Variants in QPCT observed in about 807,000 individuals in gnomAD.
The protein encoded by QPCT is EC.
QPCT carries 44 observed loss-of-function variants against 43.4 expected under a neutral mutation model. That is an observed-to-expected ratio of 1.01 (90% CI 0.80 to 1.30). The LOEUF is 1.30. Among genes scored for constraint, QPCT ranks in the 50% most tolerant of loss-of-function variants. QPCT has a pLI of 0.00. For missense variants in QPCT, 526 were observed against 436.5 expected (o/e 1.21, Z -1.83); for synonymous variants, 168 against 168.4 (o/e 1.00, Z 0.02).
chr2:37,364,294 AC>A (rs1672911885), intron 3 of QPCT, among the ~76,000 whole-genome samples: 1 of 152,206 alleles, frequency 6.6e-6, no homozygotes, highest in Non-Finnish European at 1.5e-5. Flanking sequence ...AGTTCAGCTC[AC>A]TGGGGGTCCC....
intron 3 of QPCT, among the ~76,000 whole-genome samples, chr2:37,363,609 C>A (rs1029282985): frequency 1.4e-5 from 2 of 142,440 alleles, no homozygotes; most frequent in Non-Finnish European, 3.0e-5. Flanking sequence ...CCAGCCTGGG[C>A]AACAGAGTGA....
At chr2:37,368,733 C>A (rs918128950) in intron 4 of QPCT, 23 of 470,368 alleles carry the variant, frequency 4.9e-5, no homozygotes, top group Non-Finnish European at 1.0e-4. Flanking sequence ...GAGGAGACGC[C>A]TGGTTGATCA....
intron 2 of QPCT, among the ~76,000 whole-genome samples, chr2:37,353,172 A>G (rs1050985873): frequency 6.6e-6 from 1 of 152,230 alleles, no homozygotes; most frequent in African/African-American, 2.4e-5. Flanking sequence ...ACAACATTAC[A>G]CAGTCCTTCA....
chr2:37,367,292 G>T lies in QPCT; in HGVS notation c.607G>T (p.Ala203Ser), dbSNP rs1295458724. The part of the protein sequence containing the change: ...LQLIFFDGEE[A>S]FLHWSPQDSL... The stretch of plus-strand genomic sequence containing the variant: ...GCTGATCTTCTTTGATGGTGAAGAG[G>T]CTTTTCTTCACTGGTCTCCTCAAGA... The change falls in exon 4 of 7, where the codon GCT becomes TCT. Residue 203 changes from alanine (A) to serine (S), a missense_variant. Coordinates refer to ENST00000338415, the MANE Select transcript of QPCT (RefSeq NM_012413.4). 1 of 1,613,886 alleles carries T rather than the reference G, an allele frequency of 6.2e-7. No homozygotes were observed.
In QPCT at chr2:37,372,816, C is replaced by A; in HGVS notation, c.1075C>A (p.Leu359Ile). The A allele has an allele frequency of 1.2e-6, 2 of 1,608,880 alleles. No homozygotes were observed. Among genetic ancestry groups the A allele is most frequent in the Non-Finnish European group, 1.7e-6 (2 of 1,177,092 alleles). The change falls in exon 7 of 7, where the codon CTT (leucine) becomes ATT (isoleucine). Residue 359 changes from leucine (L) to isoleucine (I), a missense_variant. Coordinates refer to ENST00000338415, the MANE Select transcript of QPCT (RefSeq NM_012413.4). ...KILQVFVLEY[L>I]HL ...CCTACAAGTCTTTGTGTTGGAATAT[C>A]TTCATTTGTAATACTCTGATTTAGT...
intron 2 of QPCT, 147 bp from the exon 3 acceptor site, chr2:37,359,433 T>G (rs1672818385): frequency 1.4e-6 from 1 of 737,134 alleles, no homozygotes; most frequent in Non-Finnish European, 2.2e-6. Context: ...ACAAAGCAAT[T>G]ATTAATTGCA....
chr2:37,363,659 TAAAAA>T (rs58100358), intron 3 of QPCT, among the ~76,000 whole-genome samples: 1,851 of 79,458 alleles, frequency 0.023, 15 homozygotes, highest in Middle Eastern at 0.056. Flanking sequence ...TTTTAAAATG[TAAAAA>T]AAAAAAAAAA....
Position 37,367,413 on chromosome 2 carries a change from G to T in QPCT, c.723+5G>T. The T allele has an allele frequency of 6.2e-7, 1 of 1,612,564 alleles. No individual in the cohort carries two copies. Among genetic ancestry groups the T allele is most frequent in the South Asian group, 1.1e-5 (1 of 90,852 alleles). On this transcript the variant is annotated splice_donor_5th_base_variant and intron_variant, in intron 4 of 6. Transcript: ENST00000338415. ...ACCAGCCAACTGCATGGCATGGTTA[G>T]TCTGGGCAATTTCCCTAGCACTGTA... is the stretch of plus-strand genomic sequence containing the variant.
intron 4 of QPCT, among the ~76,000 whole-genome samples, chr2:37,369,002 A>G (rs1673019708): frequency 1.3e-5 from 2 of 152,156 alleles, no homozygotes; most frequent in African/African-American, 2.4e-5. Context: ...TATTTATCTA[A>G]TATGTGTTAG....
chr2:37,356,313 C>T (rs976047209), intron 2 of QPCT, among the ~76,000 whole-genome samples: 1 of 151,526 alleles, frequency 6.6e-6, no homozygotes, highest in South Asian at 2.1e-4. Context: ...CTGCTTTATC[C>T]CTATCTCCAT....
Position 37,369,727 on chromosome 2 carries a change from A to G in QPCT, c.766A>G (p.Thr256Ala), listed in dbSNP as rs1372119925. The part of the protein sequence containing the change: ...LLDLIGAPNP[T>A]FPNFFPNSAR... ...GGATTTGATTGGAGCTCCAAACCCA[A>G]CGTTTCCCAATTTTTTTCCAAACTC... Residue 256 changes from threonine to alanine, a missense_variant, in exon 5 of 7, where the codon ACG (threonine) becomes GCG (alanine). Coordinates refer to ENST00000338415, the MANE Select transcript of QPCT (RefSeq NM_012413.4). The G allele has an allele frequency of 3.1e-6, 5 of 1,609,708 alleles. No individual in the cohort carries two copies. The highest frequency in any genetic ancestry group is 3.3e-5 in the Admixed American group (2 of 60,014).
At chr2:37,347,170 T>TATATAACATATATATATAAC (rs1553384231) in intron 1 of QPCT, among the ~76,000 whole-genome samples, 11 of 52,846 alleles carry the variant, frequency 2.1e-4, no homozygotes, top group South Asian at 1.8e-3. Flanking sequence ...ATATAACATA[T>TATATAACATATATATATAAC]ATATATATAA....
chr2:37,348,723 T>TTGC (rs2124931124), intron 1 of QPCT, among the ~76,000 whole-genome samples: 1 of 152,348 alleles, frequency 6.6e-6, no homozygotes, highest in East Asian at 1.9e-4. Context: ...TGAAAGATTC[T>TTGC]TGCACTCAGA....
rs772993313 is a variant in QPCT, at chr2:37,344,775, T to C, written c.44T>C (p.Leu15Pro). 5.0e-6 allele frequency: 8 copies of C among 1,607,690 alleles called. No individual in the cohort carries two copies. The highest frequency in any genetic ancestry group is 2.7e-5 in the African/African-American group (2 of 74,562). ...CGGCGCGTCGTGGGCACCCTCCACC[T>C]GCTGCTGCTGGTGGCCGCCCTGCCC... is the stretch of plus-strand genomic sequence containing the variant. ...RHRRVVGTLH[L>P]LLLVAALPWA... Residue 15 changes from leucine (L) to proline (P), a missense_variant, in exon 1 of 7, where the codon CTG (leucine) becomes CCG (proline). Physicochemically the swap from Leu to Pro is moderately conservative, Grantham distance 98 (BLOSUM62 -3). Transcript: ENST00000338415.
chr2:37,357,707 T>C (rs904335010), intron 2 of QPCT, among the ~76,000 whole-genome samples: 3 of 152,336 alleles, frequency 2.0e-5, no homozygotes, highest in Non-Finnish European at 4.4e-5. Flanking sequence ...ATTTGTTTAG[T>C]TGGCTTTTGC....
Position 37,359,796 on chromosome 2 carries a change from G to T in QPCT, c.484G>T (p.Val162Leu). ...GTTTGTAGGAGCCACTGATTCAGCC[G>T]TGCCATGTGCAATGATGTTGGAACT... ...RVFVGATDSA[V>L]PCAMMLELAR... Residue 162 changes from valine to leucine, a missense_variant, in exon 3 of 7, where the codon GTG becomes TTG. Val to Leu is a conservative substitution (Grantham distance 32). Transcript: ENST00000338415. 6.2e-7 allele frequency: 1 copy of T among 1,614,164 alleles called. No individual in the cohort carries two copies. The highest frequency in any genetic ancestry group is 8.5e-7 in the Non-Finnish European group (1 of 1,180,020).
At chr2:37,355,129 G>A (rs1364406966) in intron 2 of QPCT, among the ~76,000 whole-genome samples, 1 of 152,186 alleles carries the variant, frequency 6.6e-6, no homozygotes, top group Non-Finnish European at 1.5e-5. Context: ...AATGTGTTGG[G>A]AACTACTGCT....
At chr2:37,350,815 C>G (rs909973415) in intron 1 of QPCT, among the ~76,000 whole-genome samples, 1 of 152,182 alleles carries the variant, frequency 6.6e-6, no homozygotes, top group African/African-American at 2.4e-5. Context: ...TAGTAACTAA[C>G]ACATTGAATA....
Position 37,344,770 on chromosome 2 carries a change from C to G in QPCT, c.39C>G (p.Leu13=), listed in dbSNP as rs539932540. Residue 13 remains leucine, a synonymous_variant, in exon 1 of 7, where the codon CTC becomes CTG. Coordinates refer to ENST00000338415, the MANE Select transcript of QPCT (RefSeq NM_012413.4). ...GACACCGGCGCGTCGTGGGCACCCT[C>G]CACCTGCTGCTGCTGGTGGCCGCCC... The part of the protein sequence containing the change: ...GGRHRRVVGT[L]HLLLLVAALP... 6 of 1,609,402 alleles carry G rather than the reference C, an allele frequency of 3.7e-6. No homozygotes were observed. In the East Asian group the frequency reaches 1.1e-4, roughly 30 times the overall value.
Sources: gnomAD v4.1 joint callset for allele counts (sites outside exome capture counted in the v4.1 genomes callset) on GRCh38, gnomAD v4.1.1 for gene constraint, MANE v1.5 for transcripts, NCBI Gene and HGNC (gene_info 2026-07-23, HGNC 2026-07-21) for gene names.